Variants in BLTP3B observed in about 807,000 individuals in gnomAD.
The protein encoded by BLTP3B is UHRF1 (ICBP90) binding protein 1-like.
chr12:100,119,727 G>A, the BLTP3B span, among the ~76,000 whole-genome samples: 1 of 151,966 alleles, frequency 6.6e-6, no homozygotes, highest in African/African-American at 2.4e-5. Flanking sequence ...TGATGTTACA[G>A]CCATATGCAA....
At chr12:100,085,916 T>C in the BLTP3B span, among the ~76,000 whole-genome samples, 1 of 152,092 alleles carries the variant, frequency 6.6e-6, no homozygotes, top group Non-Finnish European at 1.5e-5. Flanking sequence ...TTTTTAAATA[T>C]ATAAATCATT....
At chr12:100,048,780 G>GTGTA in the BLTP3B span, among the ~76,000 whole-genome samples, 1 of 139,662 alleles carries the variant, frequency 7.2e-6, no homozygotes, top group South Asian at 2.3e-4. Context: ...GAGTGTGTGT[G>GTGTA]TGTGTGTGTG....
the BLTP3B span, among the ~76,000 whole-genome samples, chr12:100,040,810 G>C: frequency 6.6e-6 from 1 of 152,210 alleles, no homozygotes; most frequent in Admixed American, 6.5e-5. Context: ...ATAGCTGAGA[G>C]AGACTGAATC....
At chr12:100,117,401 T>C in the BLTP3B span, among the ~76,000 whole-genome samples, 1 of 152,110 alleles carries the variant, frequency 6.6e-6, no homozygotes, top group Non-Finnish European at 1.5e-5. Context: ...AAACCCCTAA[T>C]GCCAATCTAA....
chr12:100,086,272 C>T, the BLTP3B span: 14 of 1,511,388 alleles, frequency 9.3e-6, no homozygotes, highest in Middle Eastern at 1.8e-4. Flanking sequence ...CTGTTATACA[C>T]ACCTGCTTTA....
chr12:100,105,177 C>G, the BLTP3B span, among the ~76,000 whole-genome samples: 3 of 152,058 alleles, frequency 2.0e-5, no homozygotes, highest in African/African-American at 7.2e-5. Context: ...ACCCAAATAG[C>G]CAAAGCAATC....
At chr12:100,138,175 TA>T in the BLTP3B span, among the ~76,000 whole-genome samples, 2 of 152,206 alleles carry the variant, frequency 1.3e-5, no homozygotes, top group Admixed American at 1.3e-4. Context: ...ATGCCAAGGT[TA>T]AAAAACCCTG....
chr12:100,095,073 T>G, the BLTP3B span, among the ~76,000 whole-genome samples: 417 of 152,358 alleles, frequency 2.7e-3, 1 homozygote, highest in African/African-American at 9.6e-3. Context: ...TATCACTGTC[T>G]CTTCTATAAA....
At chr12:100,131,375 A>T in the BLTP3B span, among the ~76,000 whole-genome samples, 10,293 of 151,500 alleles carry the variant, frequency 0.068, 383 homozygotes, top group South Asian at 0.089. Context: ...TATTTAAAAA[A>T]TTTTTTAAAG....
the BLTP3B span, among the ~76,000 whole-genome samples, chr12:100,046,873 C>A: frequency 2.0e-5 from 3 of 151,998 alleles, no homozygotes; most frequent in Admixed American, 1.3e-4. Flanking sequence ...CAGAGAAGTG[C>A]AAGGTAAGTA....
chr12:100,083,477 G>C, the BLTP3B span, among the ~76,000 whole-genome samples: 1 of 152,116 alleles, frequency 6.6e-6, no homozygotes, highest in Non-Finnish European at 1.5e-5. Context: ...GAATACAAAG[G>C]TATAGCTAGA....
At chr12:100,059,786 A>G in the BLTP3B span, 1 of 1,469,578 alleles carries the variant, frequency 6.8e-7, no homozygotes, top group Non-Finnish European at 9.3e-7. Flanking sequence ...ACATACATAT[A>G]CGCACAAATC....
chr12:100,051,030 A>T, the BLTP3B span: 13 of 1,597,414 alleles, frequency 8.1e-6, no homozygotes, highest in Non-Finnish European at 1.0e-5. Context: ...AATATGAAAT[A>T]AAGTTGGTGG....
chr12:100,050,222 G>A, the BLTP3B span: 1 of 1,608,938 alleles, frequency 6.2e-7, no homozygotes, highest in African/African-American at 1.3e-5. Context: ...AATTGGTCTG[G>A]TGTCACCTGG....
At chr12:100,128,740 TAC>T in the BLTP3B span, 1 of 1,280,958 alleles carries the variant, frequency 7.8e-7, no homozygotes, top group Non-Finnish European at 1.0e-6. Flanking sequence ...AGGGAATGGG[TAC>T]ACAGGGGACA....
chr12:100,068,169 A>T, the BLTP3B span, among the ~76,000 whole-genome samples: 2 of 152,242 alleles, frequency 1.3e-5, no homozygotes, highest in Non-Finnish European at 1.5e-5. Flanking sequence ...AATGGAACAG[A>T]ATAGAGAATC....
chr12:100,105,779 CT>C, the BLTP3B span, among the ~76,000 whole-genome samples: 1 of 151,914 alleles, frequency 6.6e-6, no homozygotes, highest in African/African-American at 2.4e-5. Flanking sequence ...AACTATGCAT[CT>C]GACAAAGAAA....
the BLTP3B span, among the ~76,000 whole-genome samples, chr12:100,091,029 C>CT: frequency 0.092 from 12,879 of 139,748 alleles, 615 homozygotes; most frequent in Middle Eastern, 0.22. Context: ...ATGAATAATC[C>CT]TTTTTTTTTT....
At chr12:100,104,312 C>A in the BLTP3B span, among the ~76,000 whole-genome samples, 1 of 148,364 alleles carries the variant, frequency 6.7e-6, no homozygotes, top group Non-Finnish European at 1.5e-5. Flanking sequence ...TCAAGCAATT[C>A]TCGTGCCTCA....
Sources: allele counts gnomAD v4.1 joint callset (sites outside exome capture counted in the v4.1 genomes callset), GRCh38; gene constraint gnomAD v4.1.1; transcripts MANE v1.5; gene names NCBI Gene and HGNC (gene_info 2026-07-23, HGNC 2026-07-21).